The following EDIL3 variants were observed in gnomAD, a reference collection of about 807,000 sequenced individuals.
EDIL3 encodes EGF like and discoidin domains 3.
A neutral mutation model predicts 67.4 loss-of-function variants in EDIL3; 37 were observed. The ratio of observed to expected loss-of-function variants is 0.55; its 90% confidence interval spans 0.42 to 0.72. The LOEUF (loss-of-function observed/expected upper bound fraction) is 0.72, where lower values mean the gene tolerates loss of function less well. Among genes scored for constraint, EDIL3 ranks in the 30% least tolerant of loss-of-function variants. EDIL3 has a pLI of 0.00. For missense variants in EDIL3, 527 were observed against 586.3 expected (o/e 0.90, Z 1.04); for synonymous variants, 195 against 196.3 (o/e 0.99, Z 0.05).
At chr5:83,987,047 T>C (rs962608410) in intron 9 of EDIL3, among the ~76,000 whole-genome samples, 3 of 152,210 alleles carry the variant, frequency 2.0e-5, no homozygotes, top group Admixed American at 1.3e-4. Flanking sequence ...AAAATAAAGG[T>C]AATTAGGTTT....
In EDIL3 at chr5:84,371,329, ATATATATATATATG is replaced by A. The variant is rs1001109436; in HGVS notation, c.67+12965_67+12978del. The stretch of plus-strand genomic sequence containing the variant: ...ACATATAGATAAAAAGTATATATAT[ATATATATATATATG>A]TGTGTGTGTATATATATGTGTGTAT... On this transcript the variant is annotated intron_variant, in intron 1 of 10. Transcript: ENST00000296591. Among the ~76,000 whole-genome samples the A allele has an allele frequency of 4.9e-5, 7 of 143,536 alleles. 1 individual carries two copies. Among genetic ancestry groups the A allele is most frequent in the Admixed American group, 7.0e-5 (1 of 14,202 alleles). The allele number at this position is 143,536 out of a possible 152,430, so 94.2% of individuals were successfully genotyped here.
intron 2 of EDIL3, among the ~76,000 whole-genome samples, chr5:84,235,960 T>C (rs1244190918): frequency 1.9e-4 from 29 of 152,006 alleles, no homozygotes; most frequent in Admixed American, 1.8e-3. Context: ...AACATGAAAC[T>C]ATGATTTATT....
chr5:84,252,160 T>G (rs1185407346), intron 2 of EDIL3, among the ~76,000 whole-genome samples: 1 of 152,086 alleles, frequency 6.6e-6, no homozygotes, highest in African/African-American at 2.4e-5. Context: ...TGGATTAATA[T>G]TTAAAAGTAT....
At chr5:84,107,456 G>C (rs1298277380) in intron 5 of EDIL3, among the ~76,000 whole-genome samples, 2 of 151,436 alleles carry the variant, frequency 1.3e-5, no homozygotes, top group African/African-American at 4.8e-5. Flanking sequence ...TTTATAAAGA[G>C]AGCAGGTAAA....
intron 9 of EDIL3, among the ~76,000 whole-genome samples, chr5:84,051,411 T>C (rs1205793225): frequency 6.6e-6 from 1 of 152,200 alleles, no homozygotes; most frequent in Non-Finnish European, 1.5e-5. Flanking sequence ...CCTCTCCTCC[T>C]GCAAAGGAAC....
chr5:84,315,494 T>C (rs1336375486), intron 1 of EDIL3, among the ~76,000 whole-genome samples: 1 of 152,182 alleles, frequency 6.6e-6, no homozygotes, highest in East Asian at 1.9e-4. Context: ...TAAAAATTTT[T>C]TTAAAAAAGA....
intron 4 of EDIL3, among the ~76,000 whole-genome samples, chr5:84,176,181 A>AATATATATATATATATAATATATAT (rs1236269969): frequency 3.5e-5 from 3 of 86,476 alleles, no homozygotes; most frequent in Admixed American, 1.7e-4. Flanking sequence ...AGTGGTAAAA[A>AATATATATATATATATAATATATAT]ATATATATAT....
intron 4 of EDIL3, among the ~76,000 whole-genome samples, chr5:84,138,343 G>C (rs1748129616): frequency 6.6e-6 from 1 of 152,170 alleles, no homozygotes; most frequent in Non-Finnish European, 1.5e-5. Context: ...GTCAGAAAGT[G>C]AGCTCCACAA....
intron 9 of EDIL3, among the ~76,000 whole-genome samples, chr5:83,984,730 C>G (rs1239534677): frequency 6.6e-6 from 1 of 151,926 alleles, no homozygotes; most frequent in Non-Finnish European, 1.5e-5. Context: ...CTATGTGAAC[C>G]AAGATCTGAG....
chr5:84,032,126 C>T (rs1580289444), intron 9 of EDIL3, among the ~76,000 whole-genome samples: 1 of 152,118 alleles, frequency 6.6e-6, no homozygotes, highest in African/African-American at 2.4e-5. Context: ...TTAATTAAAC[C>T]CAAAACCTTT....
intron 2 of EDIL3, among the ~76,000 whole-genome samples, chr5:84,233,783 C>G (rs1189637329): frequency 1.3e-5 from 2 of 152,090 alleles, no homozygotes; most frequent in Non-Finnish European, 2.9e-5. Context: ...GGAAATAACC[C>G]CTTCTCACTC....
At chr5:84,169,157 T>C (rs145445060) in intron 4 of EDIL3, among the ~76,000 whole-genome samples, 17 of 152,112 alleles carry the variant, frequency 1.1e-4, no homozygotes, top group African/African-American at 4.1e-4. Flanking sequence ...TTCCATAATC[T>C]CCATTCTTAC....
chr5:84,312,369 G>A (rs1746419188), intron 1 of EDIL3, among the ~76,000 whole-genome samples: 1 of 145,270 alleles, frequency 6.9e-6, no homozygotes, highest in African/African-American at 2.5e-5. Context: ...CGGGGCGGCT[G>A]GCCGGGCGGG....
chr5:84,195,657 C>T (rs1743689532), intron 3 of EDIL3, among the ~76,000 whole-genome samples: 1 of 151,950 alleles, frequency 6.6e-6, no homozygotes, highest in Admixed American at 6.6e-5. Context: ...TGAATTCTAA[C>T]AGGAGATTGG....
At chr5:84,045,715 C>T (rs17445675) in intron 9 of EDIL3, among the ~76,000 whole-genome samples, 28,662 of 151,980 alleles carry the variant, frequency 0.19, 3,017 homozygotes, top group Admixed American at 0.24. Context: ...CGGCATAAAA[C>T]GAACAAAGAC....
intron 6 of EDIL3, among the ~76,000 whole-genome samples, chr5:84,095,910 G>T (rs1014506253): frequency 1.3e-5 from 2 of 152,216 alleles, no homozygotes; most frequent in African/African-American, 4.8e-5. Context: ...GGTTTTGTGG[G>T]CTGGGCCCAG....
intron 9 of EDIL3, among the ~76,000 whole-genome samples, chr5:84,022,815 A>T (rs1185251995): frequency 6.6e-6 from 1 of 152,044 alleles, no homozygotes; most frequent in African/African-American, 2.4e-5. Flanking sequence ...ACAGTTATAT[A>T]GAAGAAATAA....
chr5:83,958,200 A>C (rs1444658942), intron 10 of EDIL3, among the ~76,000 whole-genome samples: 1 of 151,612 alleles, frequency 6.6e-6, no homozygotes, highest in Non-Finnish European at 1.5e-5. Context: ...TTTTGGCATC[A>C]ATTAGCCATT....
chr5:84,340,532 CTCTATATATATATATA>C (rs1294914390), intron 1 of EDIL3, among the ~76,000 whole-genome samples: 34 of 66,598 alleles, frequency 5.1e-4, no homozygotes, highest in African/African-American at 1.0e-3. Context: ...CTCTCTCTCT[CTCTATATATATATATA>C]TATATATATA....
Sources: allele counts gnomAD v4.1 joint callset (sites outside exome capture counted in the v4.1 genomes callset), GRCh38; gene constraint gnomAD v4.1.1; transcripts MANE v1.5; gene names NCBI Gene and HGNC (gene_info 2026-07-23, HGNC 2026-07-21).